Variants in NR2F2 observed in about 807,000 individuals in gnomAD.
NR2F2 encodes COUP transcription factor 2.
In NR2F2, 2 loss-of-function variants were observed where a neutral mutation model predicts 34.8. That is an observed-to-expected ratio of 0.06 (90% CI 0.02 to 0.18). The LOEUF (loss-of-function observed/expected upper bound fraction) is 0.18, where lower values mean the gene tolerates loss of function less well. Among genes scored for constraint, NR2F2 ranks in the 10% least tolerant of loss-of-function variants. NR2F2 has a pLI of 1.00. For synonymous variants in NR2F2, 274 were observed against 251.8 expected, an observed-to-expected ratio of 1.09 and a Z score of -0.84; for missense variants, 300 against 580.1, an observed-to-expected ratio of 0.52 and a Z score of 4.96.
At position 96,332,040 on chromosome 15, in the gene NR2F2, G is replaced by GTCGCCGCCGCC. The variant is rs1899161894; in HGVS notation, c.-66_-65insTCGCCGCCGCC. The GTCGCCGCCGCC allele has an allele frequency of 8.1e-7, 1 of 1,241,540 alleles. No homozygotes were observed. Among genetic ancestry groups the GTCGCCGCCGCC allele is most frequent in the African/African-American group, 1.6e-5 (1 of 63,440 alleles). 76.9% of individuals were successfully genotyped at this position (1,241,540 alleles called of 1,614,324 possible). A position where few individuals can be genotyped will look rare whatever the true frequency, so the allele number is the denominator to read the frequency against. On this transcript the variant is annotated 5_prime_UTR_variant, in exon 1 of 3. Coordinates refer to ENST00000394166, the MANE Select transcript of NR2F2 (RefSeq NM_021005.4). ...CGCGCCGGAGCCCGAGACCCGGGGAGCCGCCGCCGCCCCGCCGCCGCCCGC... is the reference window on the plus strand; with the variant it reads ...CGCGCCGGAGCCCGAGACCCGGGGAGTCGCCGCCGCCCCGCCGCCGCCCCGCCGCCGCCCGC...
intron 1 of NR2F2, 53 bp downstream of exon 1, chr15:96,332,600 A>G: frequency 6.3e-7 from 1 of 1,585,032 alleles, no homozygotes; most frequent in Non-Finnish European, 8.6e-7. Flanking sequence ...GGTCCTGGGT[A>G]CGTTTGGCTA....
chr15:96,333,259 C>G, intron 1 of NR2F2: 1 of 832,428 alleles, frequency 1.2e-6, no homozygotes, highest in Non-Finnish European at 1.5e-6. Context: ...GCCAATGGCG[C>G]GCTCGGCGCG....
In NR2F2 at chr15:96,330,760, T is replaced by C. The variant is rs1464469783; in HGVS notation, c.-1346T>C. ...TCGCATTCCCTCCCGCGCCCCCCTTTTTAGCATATTTGATCACTTTGATTC... is the reference window on the plus strand; with the variant it reads ...TCGCATTCCCTCCCGCGCCCCCCTTCTTAGCATATTTGATCACTTTGATTC... On this transcript the variant is annotated 5_prime_UTR_variant, in exon 1 of 3. Coordinates refer to ENST00000394166, the MANE Select transcript of NR2F2 (RefSeq NM_021005.4). The C allele has an allele frequency of 3.7e-6, 3 of 812,084 alleles. No individual in the cohort carries two copies. Among genetic ancestry groups the C allele is most frequent in the Non-Finnish European group, 4.6e-6 (3 of 650,948 alleles). The allele number at this position is 812,084 out of a possible 1,614,324, so 50.3% of individuals were successfully genotyped here.
chr15:96,328,402 A>C (rs1899046467), upstream of NR2F2, among the ~76,000 whole-genome samples: 2 of 152,206 alleles, frequency 1.3e-5, no homozygotes, highest in African/African-American at 4.8e-5. Flanking sequence ...AGTCTCATTC[A>C]GGAGGTGAGA....
In NR2F2 at chr15:96,338,477, C is replaced by G. The variant is rs965764541; in HGVS notation, c.*855C>G. ...TGAACTTTTGTAATTTGAATTGGGT[C>G]CCGCTTAGTTCTTGAATTGTTATGA... On this transcript the variant is annotated 3_prime_UTR_variant, in exon 3 of 3. Transcript: ENST00000394166. The G allele has an allele frequency of 6.6e-6, 1 of 152,582 alleles. No homozygotes were observed. The highest frequency in any genetic ancestry group is 6.5e-5 in the Admixed American group (1 of 15,268). The allele number at this position is 152,582 out of a possible 1,614,324, so 9.5% of individuals were successfully genotyped here.
chr15:96,331,586 C>G lies in NR2F2; in HGVS notation c.-520C>G. On this transcript the variant is annotated 5_prime_UTR_variant, in exon 1 of 3. Transcript: ENST00000394166. The stretch of plus-strand genomic sequence containing the variant: ...CCACCACCTCCTCTTCCTCCTCCTC[C>G]TCCTCCTCCTCCTCCGCCAACTCCT... 8.2e-7 allele frequency: 1 copy of G among 1,218,512 alleles called. No homozygotes were observed. 75.5% of individuals were successfully genotyped at this position (1,218,512 alleles called of 1,614,324 possible).
upstream of NR2F2, among the ~76,000 whole-genome samples, chr15:96,328,102 CATTAAA>C (rs1486258379): frequency 6.6e-6 from 1 of 152,178 alleles, no homozygotes; most frequent in African/African-American, 2.4e-5. Context: ...TTCTTCTATG[CATTAAA>C]ATTAAGTATA....
intron 2 of NR2F2, among the ~76,000 whole-genome samples, chr15:96,335,116 A>G (rs1340724594): frequency 6.6e-6 from 1 of 152,250 alleles, no homozygotes; most frequent in East Asian, 1.9e-4. Context: ...AATTTTCAAA[A>G]TCATATTCTT....
rs772571580 is a variant in NR2F2, at chr15:96,334,098, G to A, written c.465G>A (p.Pro155=). The stretch of plus-strand genomic sequence containing the variant: ...CAGCGGTGCAGAGGGGCAGGATGCC[G>A]CCGACCCAGCCGACCCACGGGCAGT... ...RREAVQRGRM[P]PTQPTHGQFA... The change falls in exon 2 of 3, where the codon CCG becomes CCA. Residue 155 remains proline, a synonymous_variant. Transcript: ENST00000394166. 1.9e-6 allele frequency: 3 copies of A among 1,612,960 alleles called. No individual in the cohort carries two copies. In the African/African-American group the frequency reaches 4.0e-5, roughly 21 times the overall value.
At chr15:96,335,567 A>ATG (rs1899300332) in intron 2 of NR2F2, among the ~76,000 whole-genome samples, 1 of 152,186 alleles carries the variant, frequency 6.6e-6, no homozygotes, top group South Asian at 2.1e-4. Flanking sequence ...CTAAGTTGTC[A>ATG]GCTGATCCTT....
In NR2F2 at chr15:96,332,171, G is replaced by A; in HGVS notation, c.66G>A (p.Gln22=). 10 of 1,337,924 alleles carry A rather than the reference G, an allele frequency of 7.5e-6. No individual in the cohort carries two copies. Among genetic ancestry groups the A allele is most frequent in the Non-Finnish European group, 9.6e-6 (10 of 1,046,280 alleles). The allele number at this position is 1,337,924 out of a possible 1,614,324, so 82.9% of individuals were successfully genotyped here. Residue 22 remains glutamine (Q), a synonymous_variant, in exon 1 of 3, where the codon CAG becomes CAA. Transcript: ENST00000394166. ...AGGTGCCCGGCTCACAGGGCAGCCA[G>A]GCCTCGCAGGCGCCGCCCGTGCCCG... ...QDEVPGSQGS[Q]ASQAPPVPGP... is the part of the protein sequence containing the mutation.
intron 1 of NR2F2, chr15:96,332,770 C>T (rs1264824136): frequency 3.8e-6 from 4 of 1,057,320 alleles, no homozygotes; most frequent in South Asian, 1.9e-5. Context: ...TGGGCTGTTT[C>T]CATTTCCTTT....
Position 96,331,861 on chromosome 15 carries a change from C to CAA in NR2F2, c.-242_-241dup. On this transcript the variant is annotated 5_prime_UTR_variant, in exon 1 of 3. Coordinates refer to ENST00000394166, the MANE Select transcript of NR2F2 (RefSeq NM_021005.4). ...ACAAAGCTGAGCCGAGAGAAACAAA[C>CAA]AAAACAAACACACCGGGCCAGACAA... The CAA allele has an allele frequency of 8.3e-7, 1 of 1,204,020 alleles. No homozygotes were observed. Among genetic ancestry groups the CAA allele is most frequent in the Non-Finnish European group, 1.0e-6 (1 of 970,630 alleles). The allele number at this position is 1,204,020 out of a possible 1,614,324, so 74.6% of individuals were successfully genotyped here.
At position 96,331,128 on chromosome 15, in the gene NR2F2, G is replaced by A. The variant is rs867185287; in HGVS notation, c.-978G>A. On this transcript the variant is annotated 5_prime_UTR_variant, in exon 1 of 3. Coordinates refer to ENST00000394166, the MANE Select transcript of NR2F2 (RefSeq NM_021005.4). ...TTCAGCGGCGGCGGCGGCGCTAGACGCAGCGGCTCCGGGCCCGACCCGGCG... is the reference window on the plus strand; with the variant it reads ...TTCAGCGGCGGCGGCGGCGCTAGACACAGCGGCTCCGGGCCCGACCCGGCG... 1.7e-6 allele frequency: 2 copies of A among 1,149,754 alleles called. No homozygotes were observed. Among genetic ancestry groups the A allele is most frequent in the Admixed American group, 4.7e-5 (1 of 21,202 alleles). The allele number at this position is 1,149,754 out of a possible 1,614,324, so 71.2% of individuals were successfully genotyped here.
upstream of NR2F2, among the ~76,000 whole-genome samples, chr15:96,328,764 CTTTT>C (rs58051222): frequency 3.6e-5 from 5 of 138,746 alleles, no homozygotes; most frequent in African/African-American, 1.1e-4. Context: ...GTTTGCTGGG[CTTTT>C]TTTTTTTTTT....
intron 1 of NR2F2, among the ~76,000 whole-genome samples, chr15:96,332,915 A>T (rs1243013141): frequency 8.1e-5 from 4 of 49,214 alleles, no homozygotes; most frequent in African/African-American, 8.0e-5. Flanking sequence ...CCTCCCCCTC[A>T]CCCCTTTCCC....
intron 1 of NR2F2, chr15:96,333,547 T>A: frequency 9.9e-7 from 1 of 1,010,858 alleles, no homozygotes. Context: ...CTCCGCTCTC[T>A]GCTTGTCTCT....
rs146141012 is a variant in NR2F2, at chr15:96,331,896, A to T, written c.-210A>T. On this transcript the variant is annotated 5_prime_UTR_variant, in exon 1 of 3. Coordinates refer to ENST00000394166, the MANE Select transcript of NR2F2 (RefSeq NM_021005.4). ...ACACCGGGCCAGACAAGCCATCGACAAAACTTTGCAAAAGCAAAAACAAAA... is the reference window on the plus strand; with the variant it reads ...ACACCGGGCCAGACAAGCCATCGACTAAACTTTGCAAAAGCAAAAACAAAA... The T allele has an allele frequency of 5.0e-6, 6 of 1,206,616 alleles. No homozygotes were observed. In the East Asian group the frequency reaches 2.1e-4, roughly 41 times the overall value. The allele number at this position is 1,206,616 out of a possible 1,614,324, so 74.7% of individuals were successfully genotyped here. A position where few individuals can be genotyped will look rare whatever the true frequency, so the allele number is the denominator to read the frequency against.
Position 96,337,812 on chromosome 15 carries a change from A to C in NR2F2, c.*190A>C. The C allele has an allele frequency of 3.4e-6, 1 of 290,222 alleles. No homozygotes were observed. Among genetic ancestry groups the C allele is most frequent in the Non-Finnish European group, 5.8e-6 (1 of 172,268 alleles). 18.0% of individuals were successfully genotyped at this position (290,222 alleles called of 1,614,324 possible). A position where few individuals can be genotyped will look rare whatever the true frequency, so the allele number is the denominator to read the frequency against. ...AAAAGACTGTCAAATGAACTTTTAC[A>C]GAATGCATTAAAAAAAAAAAAAAAC... On this transcript the variant is annotated 3_prime_UTR_variant, in exon 3 of 3. Transcript: ENST00000394166.
Sources: gnomAD v4.1 joint callset for allele counts (sites outside exome capture counted in the v4.1 genomes callset) on GRCh38, gnomAD v4.1.1 for gene constraint, MANE v1.5 for transcripts, NCBI Gene and HGNC (gene_info 2026-07-23, HGNC 2026-07-21) for gene names.